The following USP53 variants were observed in gnomAD, a reference collection of about 807,000 sequenced individuals.
The protein encoded by USP53 is ubiquitin specific peptidase 53.
In USP53, 71 loss-of-function variants were observed where a neutral mutation model predicts 94.9. That is an observed-to-expected ratio of 0.75 (90% CI 0.62 to 0.91). USP53 has a LOEUF of 0.91. USP53 is among the 40% of genes least tolerant of loss of function. The probability of loss-of-function intolerance (pLI) is 0.00; values close to 1 mark genes in which losing one functional copy is unlikely to be tolerated. For missense variants in USP53, 1,173 were observed against 1,281.0 expected, an observed-to-expected ratio of 0.92 and a Z score of 1.29; for synonymous variants, 375 against 422.7, an observed-to-expected ratio of 0.89 and a Z score of 1.39.
At chr4:119,237,439 T>G (rs1746926728) in intron 4 of USP53, among the ~76,000 whole-genome samples, 1 of 152,170 alleles carries the variant, frequency 6.6e-6, no homozygotes, top group South Asian at 2.1e-4. Flanking sequence ...TGCTAAACTA[T>G]TCATAGATGA....
At chr4:119,221,106 A>G (rs1011753879) in intron 3 of USP53, 2 of 152,194 alleles carry the variant, frequency 1.3e-5, no homozygotes, top group African/African-American at 4.8e-5. Flanking sequence ...ACAAACAAGG[A>G]AGTCCAAAAG....
At chr4:119,245,601 T>C (rs1274200079) in intron 6 of USP53, among the ~76,000 whole-genome samples, 172 bp downstream of exon 6, 1 of 152,218 alleles carries the variant, frequency 6.6e-6, no homozygotes, top group Non-Finnish European at 1.5e-5. Flanking sequence ...ATTTTCCTCT[T>C]TTATATAAGG....
rs1755021748 is a variant in USP53 at position 119,293,741 on chromosome 4, C to T, written c.*530C>T. 4 of 152,100 alleles carry T rather than the reference C, an allele frequency of 2.6e-5. No individual in the cohort carries two copies. The highest frequency in any genetic ancestry group is 2.6e-4 in the Admixed American group (4 of 15,260). The allele number at this position is 152,100 out of a possible 1,614,324, so 9.4% of individuals were successfully genotyped here. On this transcript the variant is annotated 3_prime_UTR_variant, in exon 19 of 19. Transcript: ENST00000692078. ...CAAAGAATTGCTTTATGAAGAAGCA[C>T]TTTCTAATGGGTAACCAGAAAAGGG...
intron 8 of USP53, 27 bp downstream of exon 8, chr4:119,256,386 T>G: frequency 6.2e-7 from 1 of 1,613,130 alleles, no homozygotes; most frequent in Non-Finnish European, 8.5e-7. Flanking sequence ...ATTATTTAGA[T>G]ATTGTAGTTC....
chr4:119,227,641 G>GA (rs1261177114), intron 3 of USP53, among the ~76,000 whole-genome samples: 1 of 151,802 alleles, frequency 6.6e-6, no homozygotes, highest in African/African-American at 2.4e-5. Flanking sequence ...AAAAAAGAAA[G>GA]AAAAAAAATT....
chr4:119,267,492 T>C lies in USP53; in HGVS notation c.1135+10T>C. The C allele has an allele frequency of 1.9e-6, 3 of 1,601,184 alleles. No individual in the cohort carries two copies. Among genetic ancestry groups the C allele is most frequent in the Non-Finnish European group, 2.6e-6 (3 of 1,175,512 alleles). ...GTTGCAGAAAATATGGGTAATTCTT[T>C]CTTTTAAAAATTCTCAATGTTTTTC... On this transcript the variant is annotated intron_variant, in intron 13 of 18. Transcript: ENST00000692078.
At chr4:119,212,695 A>ACCAG (rs1189092193), upstream of USP53, 6 of 342,022 alleles carry the variant, frequency 1.8e-5, no homozygotes, top group Non-Finnish European at 3.5e-5. Flanking sequence ...GGCGGCGGAG[A>ACCAG]CCAGCCGCCT....
intron 15 of USP53, among the ~76,000 whole-genome samples, chr4:119,270,847 C>G (rs1751764119): frequency 6.6e-6 from 1 of 152,138 alleles, no homozygotes; most frequent in Admixed American, 6.5e-5. Flanking sequence ...GATATGTTTA[C>G]TTTTAATTTT....
intron 18 of USP53, among the ~76,000 whole-genome samples, chr4:119,291,661 T>G (rs555555109): frequency 1.6e-4 from 24 of 152,260 alleles, no homozygotes; most frequent in African/African-American, 5.3e-4. Flanking sequence ...CAATATGGCA[T>G]CATTTACCCT....
chr4:119,228,270 TC>T (rs1745586088), intron 3 of USP53, among the ~76,000 whole-genome samples: 2 of 152,162 alleles, frequency 1.3e-5, no homozygotes, highest in Non-Finnish European at 2.9e-5. Flanking sequence ...GGAGCGAGGT[TC>T]CTGTTTCTTT....
intron 14 of USP53, 123 bp downstream of exon 14, chr4:119,268,543 A>C: frequency 1.0e-6 from 1 of 1,004,038 alleles, no homozygotes; most frequent in Non-Finnish European, 1.4e-6. Context: ...AGATAACAAA[A>C]TTCGTCTTTT....
chr4:119,288,938 CA>C (rs35580805), intron 17 of USP53, among the ~76,000 whole-genome samples: 49,108 of 106,988 alleles, frequency 0.46, 9,379 homozygotes, highest in Middle Eastern at 0.5. Flanking sequence ...AACTCTGTCT[CA>C]AAAAAAAAAA....
intron 7 of USP53, among the ~76,000 whole-genome samples, chr4:119,252,721 G>A (rs775110630): frequency 2.7e-4 from 41 of 151,920 alleles, no homozygotes; most frequent in Non-Finnish European, 4.7e-4. Flanking sequence ...GTTTTTTTGT[G>A]TCTCTATCTC....
chr4:119,270,337 A>T (rs889360820), intron 15 of USP53, among the ~76,000 whole-genome samples: 1 of 151,898 alleles, frequency 6.6e-6, no homozygotes, highest in Admixed American at 6.6e-5. Context: ...GCCTCAAACG[A>T]TCCTCTTACC....
At chr4:119,227,256 T>TACACACACACACACACACAC (rs3138727) in intron 3 of USP53, among the ~76,000 whole-genome samples, 4,937 of 124,844 alleles carry the variant, frequency 0.04, 249 homozygotes, top group Non-Finnish European at 0.047. Flanking sequence ...TGTCTAACAC[T>TACACACACACACACACACAC]ACACACACAC....
At chr4:119,238,232 A>G (rs1293402553) in intron 4 of USP53, among the ~76,000 whole-genome samples, 1 of 152,154 alleles carries the variant, frequency 6.6e-6, no homozygotes, top group African/African-American at 2.4e-5. Context: ...AAGCTTAGTC[A>G]TTTCCAGCTT....
At chr4:119,228,347 C>T (rs1049556463) in intron 3 of USP53, among the ~76,000 whole-genome samples, 1 of 152,176 alleles carries the variant, frequency 6.6e-6, no homozygotes, top group African/African-American at 2.4e-5. Context: ...GCAGCAATGG[C>T]ACATCAAGTC....
chr4:119,225,128 C>T (rs1745063754), intron 3 of USP53, among the ~76,000 whole-genome samples: 1 of 152,084 alleles, frequency 6.6e-6, no homozygotes, highest in Non-Finnish European at 1.5e-5. Context: ...TCATTGCAAA[C>T]CTTACCAACA....
At position 119,293,986 on chromosome 4, in the gene USP53, T is replaced by C. The variant is rs1351308682; in HGVS notation, c.*775T>C. The C allele has an allele frequency of 6.6e-6, 1 of 152,148 alleles. No individual in the cohort carries two copies. The highest frequency in any genetic ancestry group is 6.6e-5 in the Admixed American group (1 of 15,264). The allele number at this position is 152,148 out of a possible 1,614,324, so 9.4% of individuals were successfully genotyped here. A position where few individuals can be genotyped will look rare whatever the true frequency, so the allele number is the denominator to read the frequency against. The stretch of plus-strand genomic sequence containing the variant: ...AGATAAATTAGGCCTTTGACTATTA[T>C]AGGTATTCATAAATGCTACTTTAGC... On this transcript the variant is annotated 3_prime_UTR_variant, in exon 19 of 19. Coordinates refer to ENST00000692078, the MANE Select transcript of USP53 (RefSeq NM_001371395.1).
Sources: allele counts gnomAD v4.1 joint callset (sites outside exome capture counted in the v4.1 genomes callset), GRCh38; gene constraint gnomAD v4.1.1; transcripts MANE v1.5; gene names NCBI Gene and HGNC (gene_info 2026-07-23, HGNC 2026-07-21).